The following ITGB2 variants were observed in gnomAD, a reference collection of about 807,000 sequenced individuals.
The protein encoded by ITGB2 is integrin subunit beta 2.
A neutral mutation model predicts 86.8 loss-of-function variants in ITGB2; 56 were observed. The observed-to-expected ratio is 0.65, with a 90% CI of 0.52 to 0.81. The LOEUF (loss-of-function observed/expected upper bound fraction) is 0.81, where lower values mean the gene tolerates loss of function less well. Ranked by LOEUF, ITGB2 falls within the 30% of genes least tolerant of loss-of-function variation. The pLI is 0.00. For missense variants in ITGB2, 948 were observed against 1,061.2 expected, an observed-to-expected ratio of 0.89 and a Z score of 1.48; for synonymous variants, 457 against 450.4, an observed-to-expected ratio of 1.01 and a Z score of -0.19.
intron 3 of ITGB2, chr21:44,908,073 C>A: frequency 1.4e-6 from 1 of 718,060 alleles, no homozygotes; most frequent in Non-Finnish European, 2.6e-6. Flanking sequence ...GTAGTTTCCA[C>A]CTGGGGCCTG....
At chr21:44,888,936 G>C in intron 13 of ITGB2, 41 bp from the exon 14 acceptor site, 1 of 1,560,270 alleles carries the variant, frequency 6.4e-7, no homozygotes, top group Non-Finnish European at 8.6e-7. Context: ...CAGGGTGTGC[G>C]GGGGCTCCGG....
chr21:44,896,151 C>A (rs1314804129), intron 8 of ITGB2, among the ~76,000 whole-genome samples: 1 of 152,182 alleles, frequency 6.6e-6, no homozygotes, highest in African/African-American at 2.4e-5. Flanking sequence ...TGTGAGTGAT[C>A]CTGCCTGGTG....
chr21:44,912,069 C>T (rs1568903875), intron 1 of ITGB2, among the ~76,000 whole-genome samples: 1 of 152,102 alleles, frequency 6.6e-6, no homozygotes, highest in Non-Finnish European at 1.5e-5. Flanking sequence ...TTTCCGTTAC[C>T]CTGGGGCTGT....
intron 9 of ITGB2, 78 bp downstream of exon 9, chr21:44,894,893 C>T (rs1341009541): frequency 9.8e-7 from 1 of 1,020,404 alleles, no homozygotes; most frequent in East Asian, 2.4e-5. Context: ...TCCTGCTGAC[C>T]TGCAGCAGGA....
Position 44,895,764 on chromosome 21 carries a change from G to A in ITGB2, c.994-704C>T, listed in dbSNP as rs372972765. Among the ~76,000 whole-genome samples, 7 of 151,614 alleles carry A rather than the reference G, an allele frequency of 4.6e-5. 1 individual carries two copies. The highest frequency in any genetic ancestry group is 1.9e-4 in the East Asian group (1 of 5,170). ...ACTGAGGCAGGAGAACCCAGGAGGC[G>A]GAGGTCGCAATGAGCTGAGATCACA... is the stretch of plus-strand genomic sequence containing the variant. On this transcript the variant is annotated intron_variant, in intron 8 of 15. Transcript: ENST00000652462.
intron 12 of ITGB2, 38 bp downstream of exon 12, chr21:44,889,940 C>G (rs1341126367): frequency 1.2e-6 from 2 of 1,611,358 alleles, no homozygotes; most frequent in Non-Finnish European, 1.7e-6. Flanking sequence ...GTCTGTGCCG[C>G]AGGACGGCCG....
chr21:44,912,343 GC>G lies in ITGB2; in HGVS notation c.-3-1559del, dbSNP rs903143965. Reference sequence around the variant, plus strand: ...CCTGGCTCCCCTCCATCCCCCGAAAGCCCTGCACCTGTGCTGGGGGCTCTGA... The same window carrying G: ...CCTGGCTCCCCTCCATCCCCCGAAAGCCTGCACCTGTGCTGGGGGCTCTGA... On this transcript the variant is annotated intron_variant, in intron 1 of 15. Coordinates refer to ENST00000652462, the MANE Select transcript of ITGB2 (RefSeq NM_000211.5). 5.9e-5 allele frequency among the ~76,000 whole-genome samples: 9 copies of G among 152,286 alleles called. No individual in the cohort carries two copies. The East Asian group carries it at 1.7e-3, about 29-fold the overall frequency.
intron 8 of ITGB2, among the ~76,000 whole-genome samples, chr21:44,895,924 T>A (rs1024375837): frequency 6.6e-6 from 1 of 150,832 alleles, no homozygotes; most frequent in Non-Finnish European, 1.5e-5. Context: ...AAAAAAAAAA[T>A]TACTGTTGCA....
At chr21:44,911,187 C>T (rs1568903071) in intron 1 of ITGB2, 13 of 338,606 alleles carry the variant, frequency 3.8e-5, no homozygotes, top group Non-Finnish European at 6.9e-5. Flanking sequence ...TCACACCACA[C>T]ATATGTACAC....
chr21:44,901,912 C>G (rs56386911), intron 5 of ITGB2, 179 bp from the exon 6 acceptor site: 1 of 661,068 alleles, frequency 1.5e-6, no homozygotes, highest in African/African-American at 1.8e-5. Context: ...CACATGTGAA[C>G]GTATGTGGGC....
intron 1 of ITGB2, among the ~76,000 whole-genome samples, chr21:44,919,954 C>T (rs1178010795): frequency 6.6e-6 from 1 of 152,180 alleles, no homozygotes; most frequent in Non-Finnish European, 1.5e-5. Flanking sequence ...GGCGTGGCTT[C>T]AATCCCCCTC....
chr21:44,910,166 G>A, intron 3 of ITGB2, 118 bp downstream of exon 3: 2 of 1,364,480 alleles, frequency 1.5e-6, no homozygotes, highest in Non-Finnish European at 1.0e-6. Context: ...CAGGGTCTGG[G>A]GACCCCCTCA....
intron 1 of ITGB2, among the ~76,000 whole-genome samples, chr21:44,915,520 A>G (rs991013659): frequency 7.9e-5 from 12 of 152,188 alleles, no homozygotes; most frequent in African/African-American, 2.9e-4. Flanking sequence ...CGATGCCGCC[A>G]GGGGACAAGG....
intron 1 of ITGB2, among the ~76,000 whole-genome samples, chr21:44,919,079 C>T (rs1282246521): frequency 4.9e-5 from 5 of 102,876 alleles, no homozygotes; most frequent in Admixed American, 1.0e-4. Context: ...ATACGCTGAG[C>T]GGCAGTGACG....
At chr21:44,906,872 C>T in intron 4 of ITGB2, 43 bp downstream of exon 4, 1 of 1,608,848 alleles carries the variant, frequency 6.2e-7, no homozygotes, top group Non-Finnish European at 8.5e-7. Flanking sequence ...AGCCAATAAC[C>T]AGCACAGACG....
intron 1 of ITGB2, among the ~76,000 whole-genome samples, chr21:44,911,888 G>A (rs778091782): frequency 1.4e-4 from 21 of 152,106 alleles, no homozygotes; most frequent in Non-Finnish European, 2.8e-4. Context: ...GCCTAGGTCG[G>A]CTCCTTGGGG....
At position 44,903,596 on chromosome 21, in the gene ITGB2, G is replaced by A. The variant is rs141171105; in HGVS notation, c.329-61C>T. ...CACATCTCACACAGGGTGTCTGGGGGCGTGTGGCCCCGAGCGGGCTGTGCA... is the reference window on the plus strand; with the variant it reads ...CACATCTCACACAGGGTGTCTGGGGACGTGTGGCCCCGAGCGGGCTGTGCA... On this transcript the variant is annotated intron_variant, in intron 4 of 15. Transcript: ENST00000652462. The A allele has an allele frequency of 3.0e-4, 479 of 1,601,112 alleles. 1 individual carries two copies. In the African/African-American group the frequency reaches 5.3e-3, roughly 18 times the overall value.
chr21:44,914,661 G>A (rs1297514350), intron 1 of ITGB2, among the ~76,000 whole-genome samples: 2 of 152,210 alleles, frequency 1.3e-5, no homozygotes, highest in African/African-American at 2.4e-5. Context: ...GGTGGCTGAC[G>A]CCTGCAATCC....
At chr21:44,886,960 GCCCACAGGTCCGAGGTCAC>G in intron 14 of ITGB2, 58 bp from the exon 15 acceptor site, 1 of 1,599,488 alleles carries the variant, frequency 6.3e-7, no homozygotes, top group African/African-American at 1.3e-5. Flanking sequence ...TGAGCCGTGT[GCCCACAGGTCCGAGGTCAC>G]CCCACAACAC....
Sources: allele counts gnomAD v4.1 joint callset (sites outside exome capture counted in the v4.1 genomes callset), GRCh38; gene constraint gnomAD v4.1.1; transcripts MANE v1.5; gene names NCBI Gene and HGNC (gene_info 2026-07-23, HGNC 2026-07-21).